The following EPM2A variants were observed in gnomAD, a reference collection of about 807,000 sequenced individuals.
EPM2A encodes the protein EPM2A glucan phosphatase, laforin.
In EPM2A, 21 loss-of-function variants were observed where a neutral mutation model predicts 26.5. The observed-to-expected ratio is 0.79, with a 90% CI of 0.56 to 1.14. The LOEUF (loss-of-function observed/expected upper bound fraction) is 1.14, where lower values mean the gene tolerates loss of function less well. EPM2A is among the 50% of genes most tolerant of loss of function. The probability of loss-of-function intolerance (pLI) is 0.00; values close to 1 mark genes in which losing one functional copy is unlikely to be tolerated. For missense variants in EPM2A, 458 were observed against 440.8 expected, an observed-to-expected ratio of 1.04 and a Z score of -0.35; for synonymous variants, 217 against 177.6, an observed-to-expected ratio of 1.22 and a Z score of -1.76.
intron 4 of EPM2A, among the ~76,000 whole-genome samples, chr6:145,451,940 C>G (rs987312087): frequency 1.3e-5 from 2 of 152,192 alleles, no homozygotes; most frequent in Admixed American, 1.3e-4. Context: ...AGCTTCTGCT[C>G]TAGAAAACCA....
In EPM2A at chr6:145,625,539, A is replaced by G; in HGVS notation, c.*1877T>C. ...ACATTAAAGAAATTCACAGACCCAC[A>G]TAGTTTAAAAATTTAATTTTTAAGA... is the stretch of plus-strand genomic sequence containing the variant. On this transcript the variant is annotated 3_prime_UTR_variant, in exon 4 of 4. Coordinates refer to ENST00000367519, the MANE Select transcript of EPM2A (RefSeq NM_005670.4). 1 of 616,210 alleles carries G rather than the reference A, an allele frequency of 1.6e-6. No homozygotes were observed. Among genetic ancestry groups the G allele is most frequent in the South Asian group, 2.0e-5 (1 of 49,538 alleles). 38.2% of individuals were successfully genotyped at this position (616,210 alleles called of 1,614,324 possible). A position where few individuals can be genotyped will look rare whatever the true frequency, so the allele number is the denominator to read the frequency against.
intron 2 of EPM2A, among the ~76,000 whole-genome samples, chr6:145,565,419 G>A (rs1780872087): frequency 6.6e-6 from 1 of 152,138 alleles, no homozygotes; most frequent in South Asian, 2.1e-4. Flanking sequence ...AAGCAGTGGG[G>A]AGGGAATCTT....
intron 2 of EPM2A, among the ~76,000 whole-genome samples, chr6:145,581,735 T>C (rs553055610): frequency 1.6e-4 from 24 of 152,214 alleles, no homozygotes; most frequent in Non-Finnish European, 3.1e-4. Context: ...ACACCATTTA[T>C]TGAATAGGGA....
intron 2 of EPM2A, among the ~76,000 whole-genome samples, chr6:145,579,958 A>G (rs1339844565): frequency 2.0e-5 from 3 of 152,194 alleles, no homozygotes; most frequent in East Asian, 1.9e-4. Context: ...TACTAACATT[A>G]TAATAGCATA....
intron 2 of EPM2A, among the ~76,000 whole-genome samples, chr6:145,608,564 C>T (rs1395544706): frequency 1.3e-5 from 2 of 151,922 alleles, no homozygotes; most frequent in African/African-American, 4.8e-5. Context: ...GTTCCTATTT[C>T]ATCCTTAGTC....
At chr6:145,696,531 C>T (rs188170817) in intron 1 of EPM2A, among the ~76,000 whole-genome samples, 1 of 152,110 alleles carries the variant, frequency 6.6e-6, no homozygotes, top group Non-Finnish European at 1.5e-5. Flanking sequence ...GTACCCCATA[C>T]ACATATACAA....
intron 2 of EPM2A, among the ~76,000 whole-genome samples, chr6:145,657,090 T>TA (rs1778350713): frequency 9.7e-5 from 2 of 20,690 alleles, no homozygotes. Context: ...TCATTTTTCC[T>TA]TTTTTTTTTT....
chr6:145,484,408 T>C (rs1779648217), intron 4 of EPM2A, among the ~76,000 whole-genome samples: 1 of 152,110 alleles, frequency 6.6e-6, no homozygotes, highest in African/African-American at 2.4e-5. Flanking sequence ...TTTGATGGAC[T>C]AGGTATTCTG....
At chr6:145,587,124 C>T (rs1781205483) in intron 2 of EPM2A, among the ~76,000 whole-genome samples, 2 of 152,138 alleles carry the variant, frequency 1.3e-5, no homozygotes, top group African/African-American at 4.8e-5. Context: ...TTATATGTCA[C>T]CTAGACTGTT....
At chr6:145,398,862 A>G (rs1192574523) in intron 4 of EPM2A, among the ~76,000 whole-genome samples, 2 of 150,646 alleles carry the variant, frequency 1.3e-5, no homozygotes, top group Non-Finnish European at 3.0e-5. Flanking sequence ...TCTGTCTCAA[A>G]AAAAAAAAAA....
chr6:145,502,502 G>A, intron 3 of EPM2A: 1 of 469,316 alleles, frequency 2.1e-6, no homozygotes, highest in South Asian at 1.6e-5. Context: ...CTCACTGGGA[G>A]GAGGTGCATA....
intron 2 of EPM2A, among the ~76,000 whole-genome samples, chr6:145,601,806 G>T (rs1307928921): frequency 6.6e-6 from 1 of 152,078 alleles, no homozygotes; most frequent in Non-Finnish European, 1.5e-5. Context: ...TGCCAATCAG[G>T]TATACTCTCA....
chr6:145,467,458 T>G (rs1278851262), intron 4 of EPM2A, among the ~76,000 whole-genome samples: 1 of 152,196 alleles, frequency 6.6e-6, no homozygotes, highest in Non-Finnish European at 1.5e-5. Context: ...AAGCTGCCTC[T>G]TCCTGAACAC....
chr6:145,593,568 AT>A (rs1781303024), intron 2 of EPM2A, among the ~76,000 whole-genome samples: 1 of 152,092 alleles, frequency 6.6e-6, no homozygotes, highest in Non-Finnish European at 1.5e-5. Flanking sequence ...GAACATAAAA[AT>A]TATATAAAGT....
chr6:145,691,566 A>C (rs1781282332), intron 1 of EPM2A, among the ~76,000 whole-genome samples: 1 of 152,108 alleles, frequency 6.6e-6, no homozygotes, highest in African/African-American at 2.4e-5. Context: ...ATAAGCAAAC[A>C]TTCTAACATT....
chr6:145,534,411 T>C (rs1024358888), intron 2 of EPM2A, among the ~76,000 whole-genome samples: 1 of 152,210 alleles, frequency 6.6e-6, no homozygotes, highest in Non-Finnish European at 1.5e-5. Context: ...AAGAAAACCA[T>C]ACCCATTTTA....
intron 4 of EPM2A, chr6:145,490,077 G>A (rs1779735153): frequency 7.7e-7 from 1 of 1,293,048 alleles, no homozygotes; most frequent in African/African-American, 1.5e-5. Context: ...TGAAGCAATG[G>A]TAGCACACGC....
Position 145,626,928 on chromosome 6 carries a change from G to A in EPM2A, c.*488C>T. ...AGCCATCACTTTTTGACCATAGTGAGCTCTTCTTTTGTAACGGTTCAGGCT... is the reference window on the plus strand; with the variant it reads ...AGCCATCACTTTTTGACCATAGTGAACTCTTCTTTTGTAACGGTTCAGGCT... On this transcript the variant is annotated 3_prime_UTR_variant, in exon 4 of 4. Transcript: ENST00000367519. 9.9e-7 allele frequency: 1 copy of A among 1,008,550 alleles called. No individual in the cohort carries two copies. Among genetic ancestry groups the A allele is most frequent in the Non-Finnish European group, 1.2e-6 (1 of 842,734 alleles). The allele number at this position is 1,008,550 out of a possible 1,614,324, so 62.5% of individuals were successfully genotyped here.
intron 1 of EPM2A, among the ~76,000 whole-genome samples, chr6:145,724,042 G>C (rs1024500260): frequency 6.6e-6 from 1 of 152,064 alleles, no homozygotes; most frequent in Non-Finnish European, 1.5e-5. Flanking sequence ...GAAATCTTGG[G>C]GCACTGAATA....
Sources: allele counts gnomAD v4.1 joint callset (sites outside exome capture counted in the v4.1 genomes callset), GRCh38; gene constraint gnomAD v4.1.1; transcripts MANE v1.5; gene names NCBI Gene and HGNC (gene_info 2026-07-23, HGNC 2026-07-21).